The following MAP4K3 variants were observed in gnomAD, a reference collection of about 807,000 sequenced individuals.
The protein encoded by MAP4K3 is mitogen-activated protein kinase kinase kinase kinase 3.
A neutral mutation model predicts 143.5 loss-of-function variants in MAP4K3; 94 were observed. The ratio of observed to expected loss-of-function variants is 0.65; its 90% CI spans 0.55 to 0.78. The LOEUF is 0.78. Ranked by LOEUF, MAP4K3 falls within the 30% of genes least tolerant of loss-of-function variation. The pLI is 0.00. For missense variants in MAP4K3, 1,077 were observed against 1,068.1 expected, an observed-to-expected ratio of 1.01 and a Z score of -0.12; for synonymous variants, 416 against 347.2, an observed-to-expected ratio of 1.20 and a Z score of -2.20.
chr2:39,333,961 T>TGTGTGTGTGTG (rs1683773450), intron 6 of MAP4K3, among the ~76,000 whole-genome samples: 9 of 144,046 alleles, frequency 6.2e-5, no homozygotes, highest in African/African-American at 2.3e-4. Context: ...TTTCCCATTT[T>TGTGTGTGTGTG]TGTGTGTGTG....
intron 27 of MAP4K3, among the ~76,000 whole-genome samples, chr2:39,266,735 T>C (rs1179492626): frequency 6.6e-6 from 1 of 152,106 alleles, no homozygotes; most frequent in African/African-American, 2.4e-5. Context: ...TCTGGCTACA[T>C]GCAAATAGAA....
chr2:39,343,537 G>C, intron 3 of MAP4K3, 85 bp from the exon 4 acceptor site: 1 of 1,051,624 alleles, frequency 9.5e-7, no homozygotes, highest in Non-Finnish European at 1.4e-6. Context: ...GTTGTAAGCT[G>C]TAACACTGAA....
chr2:39,263,559 G>A (rs925329403), intron 28 of MAP4K3, among the ~76,000 whole-genome samples: 4 of 151,798 alleles, frequency 2.6e-5, no homozygotes, highest in Non-Finnish European at 4.4e-5. Flanking sequence ...GATTACAAGC[G>A]TGAGCCACCG....
chr2:39,282,097 A>G (rs1463891158), intron 22 of MAP4K3, among the ~76,000 whole-genome samples: 1 of 151,566 alleles, frequency 6.6e-6, no homozygotes, highest in Non-Finnish European at 1.5e-5. Flanking sequence ...CGAGAGGCTG[A>G]GGCAGGAGAA....
intron 3 of MAP4K3, among the ~76,000 whole-genome samples, chr2:39,352,098 C>T (rs1163374420): frequency 6.6e-6 from 1 of 152,130 alleles, no homozygotes; most frequent in African/African-American, 2.4e-5. Flanking sequence ...AAAGACCAGC[C>T]TGGCCAATAT....
intron 1 of MAP4K3, among the ~76,000 whole-genome samples, chr2:39,412,588 G>C (rs1293478630): frequency 1.3e-5 from 2 of 151,966 alleles, no homozygotes; most frequent in African/African-American, 4.8e-5. Context: ...TAAAACCCTA[G>C]AAACACTCAG....
chr2:39,407,586 G>A (rs1369307432), intron 1 of MAP4K3, among the ~76,000 whole-genome samples: 1 of 152,100 alleles, frequency 6.6e-6, no homozygotes, highest in Non-Finnish European at 1.5e-5. Context: ...TTTTTATAGA[G>A]CGAGAGACAG....
chr2:39,297,672 G>A (rs553520407), intron 16 of MAP4K3, among the ~76,000 whole-genome samples: 3 of 152,248 alleles, frequency 2.0e-5, no homozygotes, highest in South Asian at 2.1e-4. Flanking sequence ...AGGAAATCCC[G>A]TTTTTAAAAC....
chr2:39,342,227 C>A (rs943728671), intron 4 of MAP4K3, among the ~76,000 whole-genome samples: 1 of 151,986 alleles, frequency 6.6e-6, no homozygotes, highest in Non-Finnish European at 1.5e-5. Flanking sequence ...CAACCTCCGC[C>A]TCCTAGGTTC....
intron 13 of MAP4K3, among the ~76,000 whole-genome samples, 181 bp from the exon 14 acceptor site, chr2:39,309,700 G>A (rs1270829593): frequency 5.3e-5 from 8 of 151,448 alleles, no homozygotes; most frequent in Non-Finnish European, 1.0e-4. Context: ...TGGGACTACA[G>A]GCGCCCTCCA....
intron 6 of MAP4K3, 47 bp from the exon 7 acceptor site, chr2:39,333,621 T>C: frequency 9.4e-7 from 1 of 1,068,460 alleles, no homozygotes; most frequent in Non-Finnish European, 1.4e-6. Context: ...AGATATTTTA[T>C]CAGACAGCAC....
intron 22 of MAP4K3, 49 bp from the exon 23 acceptor site, chr2:39,280,405 T>G (rs1681464301): frequency 9.4e-7 from 1 of 1,067,468 alleles, no homozygotes; most frequent in Non-Finnish European, 1.4e-6. Context: ...AGTAACAGTC[T>G]TTAATATATA....
Position 39,365,430 on chromosome 2 carries a change from ATTT to A in MAP4K3, c.155-9094_155-9092del, listed in dbSNP as rs151026787. Among the ~76,000 whole-genome samples, 6 of 87,904 alleles carry A rather than the reference ATTT, an allele frequency of 6.8e-5. No individual in the cohort carries two copies. The East Asian group carries it at 9.7e-4, about 14-fold the overall frequency. The allele number at this position is 87,904 out of a possible 152,430, so 57.7% of individuals were successfully genotyped here. On this transcript the variant is annotated intron_variant, in intron 2 of 33. Coordinates refer to ENST00000263881, the MANE Select transcript of MAP4K3 (RefSeq NM_003618.4). ...TTTATTTTTGGGTTACGCCATAGTA[ATTT>A]TTTTTTTTTTTTTTTTTTTTTTGAG...
intron 22 of MAP4K3, among the ~76,000 whole-genome samples, chr2:39,281,758 AGTAT>A (rs1197996766): frequency 2.0e-5 from 3 of 151,216 alleles, no homozygotes; most frequent in Non-Finnish European, 4.4e-5. Flanking sequence ...TATAATATAA[AGTAT>A]ACTGTATAAA....
rs1665525190 is a variant in MAP4K3, at chr2:39,437,229, A to C, written c.-242T>G. 3.3e-6 allele frequency: 1 copy of C among 303,098 alleles called. No homozygotes were observed. Among genetic ancestry groups the C allele is most frequent in the Non-Finnish European group, 6.0e-6 (1 of 166,640 alleles). The allele number at this position is 303,098 out of a possible 1,614,324, so 18.8% of individuals were successfully genotyped here. ...CCGCGCCGAACCTGGTCACACCCAC[A>C]AGGAGAGGAGAACCCTCGCAGCCCC... is the stretch of plus-strand genomic sequence containing the variant. On this transcript the variant is annotated 5_prime_UTR_variant, in exon 1 of 34. Transcript: ENST00000263881.
chr2:39,428,508 AC>A (rs1665169578), intron 1 of MAP4K3, among the ~76,000 whole-genome samples: 1 of 151,882 alleles, frequency 6.6e-6, no homozygotes, highest in Non-Finnish European at 1.5e-5. Flanking sequence ...CTCCATCTCT[AC>A]TAAAATAATA....
intron 4 of MAP4K3, 104 bp downstream of exon 4, chr2:39,343,284 C>A: frequency 2.7e-6 from 2 of 744,526 alleles, no homozygotes; most frequent in South Asian, 4.1e-5. Flanking sequence ...AACAATAAAA[C>A]ATAGCTTGCT....
intron 1 of MAP4K3, among the ~76,000 whole-genome samples, 183 bp from the exon 2 acceptor site, chr2:39,378,306 T>A (rs1237503800): frequency 2.6e-5 from 4 of 152,184 alleles, no homozygotes; most frequent in Non-Finnish European, 5.9e-5. Flanking sequence ...ATGTATAAAT[T>A]TAATATTGGC....
At chr2:39,312,442 T>C (rs985536826) in intron 13 of MAP4K3, among the ~76,000 whole-genome samples, 1 of 152,162 alleles carries the variant, frequency 6.6e-6, no homozygotes, top group African/African-American at 2.4e-5. Flanking sequence ...AGGAAAACAG[T>C]GAGATTTCAA....
Sources: allele counts gnomAD v4.1 joint callset (sites outside exome capture counted in the v4.1 genomes callset), GRCh38; gene constraint gnomAD v4.1.1; transcripts MANE v1.5; gene names NCBI Gene and HGNC (gene_info 2026-07-23, HGNC 2026-07-21).